TENT4B: variants seen among roughly 807,000 people sequenced by gnomAD.
The protein encoded by TENT4B is terminal nucleotidyltransferase 4B, also known as PAP associated domain containing 5.
In TENT4B, 10 loss-of-function variants were observed where a neutral mutation model predicts 75.0. The ratio of observed to expected loss-of-function variants is 0.13; its 90% CI spans 0.08 to 0.23. The LOEUF (loss-of-function observed/expected upper bound fraction) is 0.23, where lower values mean the gene tolerates loss of function less well. TENT4B is among the 10% of genes least tolerant of loss of function. TENT4B has a pLI of 1.00. For synonymous variants in TENT4B, 350 were observed against 357.7 expected, an observed-to-expected ratio of 0.98 and a Z score of 0.24; for missense variants, 579 against 893.8, an observed-to-expected ratio of 0.65 and a Z score of 4.49.
In TENT4B at chr16:50,225,344, G is replaced by GT. The variant is rs1018907802; in HGVS notation, c.1800+61dup. ...GATGCATGCACGTTCTCTTGCTGGG[G>GT]TTAACACTGTCTCGAAGGCTAAGGC... On this transcript the variant is annotated intron_variant, in intron 10 of 11. Coordinates refer to ENST00000561678, the MANE Select transcript of TENT4B (RefSeq NM_001365324.3). 5 of 1,468,476 alleles carry GT rather than the reference G, an allele frequency of 3.4e-6. No individual in the cohort carries two copies. The African/African-American group carries it at 7.0e-5, about 21-fold the overall frequency. The allele number at this position is 1,468,476 out of a possible 1,614,324, so 91.0% of individuals were successfully genotyped here.
chr16:50,153,833 G>GCGCGGC lies in TENT4B; in HGVS notation c.214_219dup (p.Ala72_Ala73dup). The GCGCGGC allele has an allele frequency of 2.9e-5, 36 of 1,250,954 alleles. No homozygotes were observed. Among genetic ancestry groups the GCGCGGC allele is most frequent in the Non-Finnish European group, 3.5e-5 (35 of 1,002,684 alleles). 77.5% of individuals were successfully genotyped at this position (1,250,954 alleles called of 1,614,324 possible). A position where few individuals can be genotyped will look rare whatever the true frequency, so the allele number is the denominator to read the frequency against. ...GGCAGCAGCACCGGCAGCCCCGGCGGCGCGGCCTCGGCCCCGGCCCCGGCC... is the reference window on the plus strand; with the variant it reads ...GGCAGCAGCACCGGCAGCCCCGGCGGCGCGGCCGCGGCCTCGGCCCCGGCCCCGGCC... On this transcript the variant is annotated inframe_insertion, in exon 1 of 12. Coordinates refer to ENST00000561678, the MANE Select transcript of TENT4B (RefSeq NM_001365324.3).
At position 50,153,495 on chromosome 16, in the gene TENT4B, A is replaced by C; in HGVS notation, c.-127A>C. ...CCGCCCGCGGCGGGCCCCGAGCAGC[A>C]GCAGCAGCAGCAGCGGCAGCAGCGG... On this transcript the variant is annotated 5_prime_UTR_variant, in exon 1 of 12. Coordinates refer to ENST00000561678, the MANE Select transcript of TENT4B (RefSeq NM_001365324.3). 1.0e-6 allele frequency: 1 copy of C among 974,580 alleles called. No individual in the cohort carries two copies. Among genetic ancestry groups the C allele is most frequent in the Non-Finnish European group, 1.2e-6 (1 of 825,148 alleles). 60.4% of individuals were successfully genotyped at this position (974,580 alleles called of 1,614,324 possible).
At chr16:50,217,897 C>G (rs1306074921) in intron 5 of TENT4B, among the ~76,000 whole-genome samples, 4 of 151,290 alleles carry the variant, frequency 2.6e-5, no homozygotes. Context: ...TCCCAAGTAG[C>G]TGGGACTACA....
At chr16:50,177,396 T>C (rs1266074793) in intron 1 of TENT4B, among the ~76,000 whole-genome samples, 1 of 152,220 alleles carries the variant, frequency 6.6e-6, no homozygotes, top group Admixed American at 6.5e-5. Flanking sequence ...TGATTATTGA[T>C]TCAATTTCCT....
At chr16:50,187,181 T>C (rs1236553857) in intron 1 of TENT4B, among the ~76,000 whole-genome samples, 1 of 152,256 alleles carries the variant, frequency 6.6e-6, no homozygotes, top group African/African-American at 2.4e-5. Flanking sequence ...CCAAATGCAG[T>C]GTCATGAAGC....
upstream of TENT4B, chr16:50,153,089 C>T (rs1421797427): frequency 7.9e-5 from 107 of 1,346,680 alleles, no homozygotes; most frequent in Non-Finnish European, 1.0e-4. Context: ...CGGTTGCGGC[C>T]CCGTCGCGCC....
chr16:50,228,303 G>A (rs2032147275), intron 11 of TENT4B, among the ~76,000 whole-genome samples: 1 of 152,204 alleles, frequency 6.6e-6, no homozygotes, highest in Admixed American at 6.5e-5. Context: ...AAGCTGGCAT[G>A]AAGGTTTTGT....
intron 1 of TENT4B, among the ~76,000 whole-genome samples, chr16:50,163,873 T>G (rs1278774821): frequency 6.6e-6 from 1 of 151,816 alleles, no homozygotes; most frequent in Non-Finnish European, 1.5e-5. Context: ...AGAAATGGGG[T>G]CTCGCCGGGT....
chr16:50,233,515 T>C lies in TENT4B; in HGVS notation c.*4187T>C. ...TTAGCGACTTTTCTTTTTTTTTTGG[T>C]CAAAGATAATGAGCTAAATATATAT... On this transcript the variant is annotated 3_prime_UTR_variant, in exon 12 of 12. Transcript: ENST00000561678. 1 of 984,948 alleles carries C rather than the reference T, an allele frequency of 1.0e-6. No individual in the cohort carries two copies. Among genetic ancestry groups the C allele is most frequent in the Non-Finnish European group, 1.2e-6 (1 of 829,690 alleles). 61.0% of individuals were successfully genotyped at this position (984,948 alleles called of 1,614,324 possible).
rs903699455 is a variant in TENT4B at position 50,229,552 on chromosome 16, G to T, written c.*224G>T. The T allele has an allele frequency of 1.3e-5, 16 of 1,258,280 alleles. No homozygotes were observed. The highest frequency in any genetic ancestry group is 1.5e-5 in the Non-Finnish European group (15 of 1,005,518). The allele number at this position is 1,258,280 out of a possible 1,614,324, so 77.9% of individuals were successfully genotyped here. On this transcript the variant is annotated 3_prime_UTR_variant, in exon 12 of 12. Transcript: ENST00000561678. ...GCAAGCAAAAAAGAGGGAAAAAAAA[G>T]GCTGCTTATTTGATAAGTCATATGC...
At chr16:50,169,842 G>A (rs1226483057) in intron 1 of TENT4B, among the ~76,000 whole-genome samples, 2 of 152,096 alleles carry the variant, frequency 1.3e-5, no homozygotes, top group African/African-American at 4.8e-5. Flanking sequence ...TTGGTCAGTA[G>A]CCAAGACTGT....
intron 1 of TENT4B, among the ~76,000 whole-genome samples, chr16:50,209,815 T>C (rs2031183708): frequency 6.6e-6 from 1 of 152,236 alleles, no homozygotes; most frequent in African/African-American, 2.4e-5. Flanking sequence ...AAGGAGGAAC[T>C]ATGGATTGCT....
At chr16:50,183,014 C>A (rs551235301) in intron 1 of TENT4B, among the ~76,000 whole-genome samples, 11 of 146,012 alleles carry the variant, frequency 7.5e-5, no homozygotes, top group Admixed American at 7.0e-4. Context: ...GCACCACACC[C>A]GGCTTTCTTG....
intron 5 of TENT4B, among the ~76,000 whole-genome samples, chr16:50,222,055 A>G (rs1016686109): frequency 6.6e-6 from 1 of 152,148 alleles, no homozygotes; most frequent in Non-Finnish European, 1.5e-5. Flanking sequence ...ATGAGCCACC[A>G]TGCCCAGCCC....
chr16:50,233,599 C>G lies in TENT4B; in HGVS notation c.*4271C>G, dbSNP rs8044301. On this transcript the variant is annotated 3_prime_UTR_variant, in exon 12 of 12. Coordinates refer to ENST00000561678, the MANE Select transcript of TENT4B (RefSeq NM_001365324.3). ...AAAATTGCTTATAAAGGCTGCTGAT[C>G]TATTTGATACCTAGAATTAAATATT... 0.037 allele frequency: 36,789 copies of G among 982,518 alleles called. 773 individuals are homozygous for G. The highest frequency in any genetic ancestry group is 0.057 in the African/African-American group (3,238 of 57,244). 60.9% of individuals were successfully genotyped at this position (982,518 alleles called of 1,614,324 possible). A position where few individuals can be genotyped will look rare whatever the true frequency, so the allele number is the denominator to read the frequency against.
In TENT4B at chr16:50,224,956, A is replaced by G; in HGVS notation, c.1574A>G (p.Gln525Arg). 6.2e-7 allele frequency: 1 copy of G among 1,613,964 alleles called. No individual in the cohort carries two copies. The highest frequency in any genetic ancestry group is 2.2e-5 in the East Asian group (1 of 44,874). Reference sequence around the variant, plus strand: ...ACATATAGAGATTGGATATCAAAGCAGTGGGGCTTGAAGAATAGACCTGAG... The same window carrying G: ...ACATATAGAGATTGGATATCAAAGCGGTGGGGCTTGAAGAATAGACCTGAG... ...VATYRDWISKQWGLKNRPEPS... is the reference protein window; with the variant it reads ...VATYRDWISKRWGLKNRPEPS... Residue 525 changes from glutamine to arginine, a missense_variant, in exon 9 of 12, where the codon CAG becomes CGG. Gln to Arg is a conservative substitution (Grantham distance 43, BLOSUM62 1). Coordinates refer to ENST00000561678, the MANE Select transcript of TENT4B (RefSeq NM_001365324.3).
intron 1 of TENT4B, among the ~76,000 whole-genome samples, chr16:50,161,847 G>A (rs1008550018): frequency 2.6e-5 from 4 of 152,138 alleles, no homozygotes; most frequent in South Asian, 2.1e-4. Context: ...GTGTGTGTGT[G>A]TATATATATA....
chr16:50,207,421 G>A (rs1254375809), intron 1 of TENT4B, among the ~76,000 whole-genome samples: 2 of 152,006 alleles, frequency 1.3e-5, no homozygotes, highest in Non-Finnish European at 2.9e-5. Context: ...GGACTCAAGC[G>A]ATCCACCCGC....
chr16:50,211,763 T>C (rs2031290207), intron 2 of TENT4B, among the ~76,000 whole-genome samples: 1 of 152,242 alleles, frequency 6.6e-6, no homozygotes, highest in African/African-American at 2.4e-5. Context: ...TGTAGTGGTC[T>C]GTTATTGGAT....
Sources: allele counts gnomAD v4.1 joint callset (sites outside exome capture counted in the v4.1 genomes callset), GRCh38; gene constraint gnomAD v4.1.1; transcripts MANE v1.5; gene names NCBI Gene and HGNC (gene_info 2026-07-23, HGNC 2026-07-21).